Variants in HIPK2 observed in about 807,000 individuals in gnomAD.
HIPK2 encodes the protein homeodomain-interacting protein kinase 2.
HIPK2 carries 27 observed loss-of-function variants against 113.7 expected under a neutral mutation model. That is an observed-to-expected ratio of 0.24 (90% CI 0.17 to 0.33). HIPK2 has a LOEUF of 0.33. Among genes scored for constraint, HIPK2 ranks in the 10% least tolerant of loss-of-function variants. The pLI is 1.00. For synonymous variants in HIPK2, 631 were observed against 642.2 expected (o/e 0.98, Z 0.26); for missense variants, 1,257 against 1,588.0 (o/e 0.79, Z 3.54).
intron 12 of HIPK2, among the ~76,000 whole-genome samples, chr7:139,596,445 G>C (rs1305138419): frequency 2.0e-5 from 3 of 152,188 alleles, no homozygotes; most frequent in African/African-American, 7.2e-5. Context: ...TTGTGTGCCC[G>C]ATTTTTATGG....
At chr7:139,609,702 C>T (rs906376576) in intron 9 of HIPK2, among the ~76,000 whole-genome samples, 10 of 152,084 alleles carry the variant, frequency 6.6e-5, no homozygotes, top group African/African-American at 2.4e-4. Context: ...TTAAAAATAT[C>T]TAGGAGAGAG....
At chr7:139,583,305 G>C (rs1798728829) in intron 13 of HIPK2, among the ~76,000 whole-genome samples, 1 of 152,236 alleles carries the variant, frequency 6.6e-6, no homozygotes, top group Non-Finnish European at 1.5e-5. Flanking sequence ...GAAGATAGCA[G>C]TGCATGAGCA....
At chr7:139,573,846 T>TC (rs1554419411) in intron 14 of HIPK2, among the ~76,000 whole-genome samples, 2 of 143,394 alleles carry the variant, frequency 1.4e-5, no homozygotes, top group Non-Finnish European at 3.0e-5. Flanking sequence ...AAACTCTGTC[T>TC]CAAAAAAAAA....
chr7:139,575,377 G>C, intron 13 of HIPK2, 89 bp from the exon 14 acceptor site: 1 of 1,417,116 alleles, frequency 7.1e-7, no homozygotes, highest in Non-Finnish European at 9.5e-7. Context: ...TGGTCTTCCA[G>C]GAAGAAACAT....
At chr7:139,601,945 GCTT>G (rs1248541932) in intron 10 of HIPK2, among the ~76,000 whole-genome samples, 6 of 147,618 alleles carry the variant, frequency 4.1e-5, no homozygotes, top group East Asian at 2.0e-4. Context: ...TCATATTATG[GCTT>G]CTTTTTTTTT....
intron 2 of HIPK2, among the ~76,000 whole-genome samples, chr7:139,712,053 C>T (rs1795083553): frequency 6.6e-6 from 1 of 152,224 alleles, no homozygotes; most frequent in Admixed American, 6.5e-5. Flanking sequence ...CTGTTCCCAG[C>T]AACCTCTCCA....
At chr7:139,688,196 C>T (rs907350669) in intron 2 of HIPK2, among the ~76,000 whole-genome samples, 7 of 152,196 alleles carry the variant, frequency 4.6e-5, no homozygotes, top group African/African-American at 1.7e-4. Flanking sequence ...CCAGACCAGG[C>T]CTGTGTGAGC....
At chr7:139,754,482 G>A (rs1220115364) in intron 1 of HIPK2, among the ~76,000 whole-genome samples, 2 of 152,158 alleles carry the variant, frequency 1.3e-5, no homozygotes, top group African/African-American at 2.4e-5. Context: ...GAGCAAGAAA[G>A]CTGGTTCCAC....
chr7:139,632,723 G>A (rs1464764223), intron 2 of HIPK2, among the ~76,000 whole-genome samples: 1 of 152,154 alleles, frequency 6.6e-6, no homozygotes, highest in Non-Finnish European at 1.5e-5. Context: ...GTAGGGGTAT[G>A]TTTTGGACAA....
intron 1 of HIPK2, among the ~76,000 whole-genome samples, chr7:139,742,247 A>G (rs1390227251): frequency 6.6e-6 from 1 of 152,182 alleles, no homozygotes; most frequent in African/African-American, 2.4e-5. Flanking sequence ...ATTTCTGAAC[A>G]CAGATTTCTT....
intron 1 of HIPK2, among the ~76,000 whole-genome samples, chr7:139,725,677 C>A (rs1585425478): frequency 6.6e-6 from 1 of 152,214 alleles, no homozygotes; most frequent in Non-Finnish European, 1.5e-5. Context: ...TCACTGGCTG[C>A]CATCTAACAC....
At position 139,631,190 on chromosome 7, in the gene HIPK2, G is replaced by T. The variant is rs1224809722; in HGVS notation, c.1322C>A (p.Ser441Ter). Residue 441 changes from serine to a stop codon, truncating the protein, a stop_gained, in exon 4 of 15, where the codon TCA becomes TAA. Transcript: ENST00000406875. LOFTEE classifies it high-confidence loss of function. The surrounding 1 kb of genome is among the most constrained non-coding windows in gnomAD (Gnocchi z 4.9). ...TTRFFNRDTD[S>*]PYPLWRLKTP... The stretch of plus-strand genomic sequence containing the variant: ...CTTCAGTCTCCACAAAGGATATGGT[G>T]AGTCCGTGTCACGGTTGAAAAACCT... 1 of 1,613,420 alleles carries T rather than the reference G, an allele frequency of 6.2e-7. No individual in the cohort carries two copies. The highest frequency in any genetic ancestry group is 8.5e-7 in the Non-Finnish European group (1 of 1,179,676).
intron 2 of HIPK2, among the ~76,000 whole-genome samples, chr7:139,707,033 C>G (rs1489857891): frequency 6.6e-6 from 1 of 152,214 alleles, no homozygotes; most frequent in East Asian, 1.9e-4. Flanking sequence ...GAGCCCTCAA[C>G]CCCTGCGACC....
At chr7:139,763,472 G>GCCCCCCCCCCCCCCCCC (rs547691856) in intron 1 of HIPK2, among the ~76,000 whole-genome samples, 2 of 100,792 alleles carry the variant, frequency 2.0e-5, no homozygotes, top group African/African-American at 5.1e-5. Context: ...GCCGGAACAC[G>GCCCCCCCCCCCCCCCCC]CCCCCCCCCC....
rs538719232 is a variant in HIPK2, at chr7:139,743,608, T to C, written c.20-26593A>G. On this transcript the variant is annotated intron_variant, in intron 1 of 14. Transcript: ENST00000406875. ...CCTCCATCTAGAAAAAAATGAGACT[T>C]GGTAGTAGCCACTGCCCTGTGGATT... Among the ~76,000 whole-genome samples, 26 of 152,284 alleles carry C rather than the reference T, an allele frequency of 1.7e-4. No individual in the cohort carries two copies. In the East Asian group the frequency reaches 5.0e-3, roughly 29 times the overall value.
chr7:139,724,811 T>C (rs1795522802), intron 1 of HIPK2, among the ~76,000 whole-genome samples: 1 of 151,504 alleles, frequency 6.6e-6, no homozygotes, highest in African/African-American at 2.4e-5. Flanking sequence ...GATAGTCTAC[T>C]GAGAATGATG....
chr7:139,720,833 A>T (rs1795387494), intron 1 of HIPK2, among the ~76,000 whole-genome samples: 1 of 152,174 alleles, frequency 6.6e-6, no homozygotes, highest in Non-Finnish European at 1.5e-5. Flanking sequence ...GTTCATACAT[A>T]AAGAAGGTGA....
intron 1 of HIPK2, among the ~76,000 whole-genome samples, chr7:139,737,098 C>T (rs1022027040): frequency 1.3e-5 from 2 of 152,124 alleles, no homozygotes; most frequent in Non-Finnish European, 2.9e-5. Context: ...GCTCCATTTC[C>T]ACTCTCTCTG....
chr7:139,729,332 AG>A (rs2117020260), intron 1 of HIPK2, among the ~76,000 whole-genome samples: 1 of 54,916 alleles, frequency 1.8e-5, no homozygotes, highest in Non-Finnish European at 2.9e-5. Flanking sequence ...TCTGAGAGAG[AG>A]AGAGAGAGAG....
Sources: allele counts gnomAD v4.1 joint callset (sites outside exome capture counted in the v4.1 genomes callset), GRCh38; gene constraint gnomAD v4.1.1; non-coding constraint Gnocchi (gnomAD v3.1); transcripts MANE v1.5; gene names NCBI Gene and HGNC (gene_info 2026-07-23, HGNC 2026-07-21).